Variants in AGAP1 observed in about 807,000 individuals in gnomAD.
AGAP1 encodes the protein ArfGAP with GTPase domain, ankyrin repeat and PH domain 1, also known as arf-GAP with GTPase, ANK repeat and PH domain-containing protein 1.
Under a neutral mutation model 105.3 loss-of-function variants are expected in AGAP1, and 29 were observed. The ratio of observed to expected loss-of-function variants is 0.28; its 90% confidence interval spans 0.21 to 0.38. AGAP1 has a LOEUF of 0.38. AGAP1 is among the 10% of genes least tolerant of loss of function. The pLI is 1.00. For synonymous variants in AGAP1, 509 were observed against 485.9 expected, an observed-to-expected ratio of 1.05 and a Z score of -0.63; for missense variants, 998 against 1,165.1, an observed-to-expected ratio of 0.86 and a Z score of 2.09.
At chr2:235,735,164 C>T (rs1317060568) in intron 3 of AGAP1, among the ~76,000 whole-genome samples, 3 of 152,288 alleles carry the variant, frequency 2.0e-5, no homozygotes, top group East Asian at 1.9e-4. Flanking sequence ...TAGACGATGG[C>T]GTTGGAAGGC....
rs926175430 is a variant in AGAP1 at position 235,855,983 on chromosome 2, G to A, written c.1051-27362G>A. On this transcript the variant is annotated intron_variant, in intron 9 of 17. Transcript: ENST00000304032. This position sits in a 1 kb window ranked among gnomAD's most constrained non-coding sequence, Gnocchi z 5.0. ...GGCTGGAGTGCAATGGCATGATCTC[G>A]GCTCACTGCAACTTCTGCCTCCTGG... Among the ~76,000 whole-genome samples, 2 of 151,906 alleles carry A rather than the reference G, an allele frequency of 1.3e-5. No individual in the cohort carries two copies. The highest frequency in any genetic ancestry group is 2.4e-5 in the African/African-American group (1 of 41,336).
At chr2:235,542,432 G>A (rs977808153) in intron 1 of AGAP1, among the ~76,000 whole-genome samples, 1 of 152,144 alleles carries the variant, frequency 6.6e-6, no homozygotes, top group Admixed American at 6.5e-5. Context: ...CATCTCTACC[G>A]GATCAAAAGA....
rs562548507 is a variant in AGAP1 at position 235,799,360 on chromosome 2, A to G, written c.802-7A>G. The G allele has an allele frequency of 1.2e-6, 2 of 1,613,154 alleles. No individual in the cohort carries two copies. Among genetic ancestry groups the G allele is most frequent in the Non-Finnish European group, 1.7e-6 (2 of 1,179,522 alleles). The stretch of plus-strand genomic sequence containing the variant: ...GTTAATGAAACCTTGGATTTTAATC[A>G]TTTCAGACAAGTAATGGAGGTGGGA... On this transcript the variant is annotated splice_polypyrimidine_tract_variant and splice_region_variant and intron_variant, in intron 7 of 17. Coordinates refer to ENST00000304032, the MANE Select transcript of AGAP1 (RefSeq NM_001037131.3). This position sits in a 1 kb window ranked among gnomAD's most constrained non-coding sequence, Gnocchi z 5.0.
Position 236,035,903 on chromosome 2 carries a change from CTT to C in AGAP1, c.1646-657_1646-656del, listed in dbSNP as rs1444844949. Among the ~76,000 whole-genome samples, 4 of 152,042 alleles carry C rather than the reference CTT, an allele frequency of 2.6e-5. No homozygotes were observed. The highest frequency in any genetic ancestry group is 1.9e-4 in the East Asian group (1 of 5,168). On this transcript the variant is annotated intron_variant, in intron 13 of 17. Coordinates refer to ENST00000304032, the MANE Select transcript of AGAP1 (RefSeq NM_001037131.3). The surrounding 1 kb of genome is among the most constrained non-coding windows in gnomAD (Gnocchi z 4.2). ...GGGAGTCCAGGAACTTGCCCAAAGA[CTT>C]AGATGTGGCAGGTGGGGTCGCAGGG...
At chr2:236,069,531 C>G (rs1007546853) in intron 16 of AGAP1, among the ~76,000 whole-genome samples, 1 of 152,176 alleles carries the variant, frequency 6.6e-6, no homozygotes, top group African/African-American at 2.4e-5. Flanking sequence ...TCAAGTGATT[C>G]TCCTGCCTCA....
intron 9 of AGAP1, among the ~76,000 whole-genome samples, chr2:235,840,246 G>A (rs1182325329): frequency 6.7e-6 from 1 of 149,260 alleles, no homozygotes; most frequent in African/African-American, 2.4e-5. Flanking sequence ...GCATTCTGAT[G>A]GCTTCAGCCG....
intron 13 of AGAP1, among the ~76,000 whole-genome samples, chr2:236,008,031 AAGTG>A: frequency 6.6e-6 from 1 of 152,336 alleles, no homozygotes; most frequent in South Asian, 2.1e-4. Context: ...ATTTTTTTCT[AAGTG>A]AGAATTTGGT....
At chr2:235,524,989 C>T (rs1421357176) in intron 1 of AGAP1, among the ~76,000 whole-genome samples, 1 of 152,172 alleles carries the variant, frequency 6.6e-6, no homozygotes, top group African/African-American at 2.4e-5. Flanking sequence ...TCATGTGTTC[C>T]TCCTTAGTCT....
chr2:235,651,707 C>T (rs1331012479), intron 1 of AGAP1, among the ~76,000 whole-genome samples: 3 of 152,088 alleles, frequency 2.0e-5, no homozygotes, highest in Admixed American at 2.0e-4. Flanking sequence ...GGAAGGGAAA[C>T]CTTTTTATAA....
chr2:236,085,884 C>G (rs2058916420), intron 16 of AGAP1, among the ~76,000 whole-genome samples: 1 of 152,258 alleles, frequency 6.6e-6, no homozygotes, highest in Non-Finnish European at 1.5e-5. Flanking sequence ...GGCTGTCCAT[C>G]AGTGATAGCA....
At chr2:235,972,704 TCA>T (rs1190783804) in intron 13 of AGAP1, among the ~76,000 whole-genome samples, 4 of 152,092 alleles carry the variant, frequency 2.6e-5, no homozygotes, top group Non-Finnish European at 5.9e-5. Flanking sequence ...ACGATGCCAG[TCA>T]CACAGTTGGC....
At position 235,792,792 on chromosome 2, in the gene AGAP1, A is replaced by G. The variant is rs1430437781; in HGVS notation, c.674-4967A>G. On this transcript the variant is annotated intron_variant, in intron 6 of 17. Transcript: ENST00000304032. The surrounding 1 kb of genome is among the most constrained non-coding windows in gnomAD (Gnocchi z 5.3). The stretch of plus-strand genomic sequence containing the variant: ...ACTTGAAGGCGCCTCTAGCAGATCC[A>G]AGGGGAGATGCCGAGTTGGTCATTG... 6.6e-6 allele frequency among the ~76,000 whole-genome samples: 1 copy of G among 152,184 alleles called. No homozygotes were observed. Among genetic ancestry groups the G allele is most frequent in the East Asian group, 1.9e-4 (1 of 5,176 alleles).
Position 235,960,203 on chromosome 2 carries a change from A to G in AGAP1, c.1484-8259A>G, listed in dbSNP as rs1234045027. Among the ~76,000 whole-genome samples, 1 of 152,214 alleles carries G rather than the reference A, an allele frequency of 6.6e-6. No individual in the cohort carries two copies. The highest frequency in any genetic ancestry group is 6.5e-5 in the Admixed American group (1 of 15,292). On this transcript the variant is annotated intron_variant, in intron 12 of 17. Coordinates refer to ENST00000304032, the MANE Select transcript of AGAP1 (RefSeq NM_001037131.3). The surrounding 1 kb of genome is among the most constrained non-coding windows in gnomAD (Gnocchi z 4.9). ...GGGCTGGTGCTGCTTCCAGGATCACAGGTGCTTTGCACACGTCAGTTACTC... is the reference window on the plus strand; with the variant it reads ...GGGCTGGTGCTGCTTCCAGGATCACGGGTGCTTTGCACACGTCAGTTACTC...
chr2:235,605,676 A>G (rs1286366375), intron 1 of AGAP1, among the ~76,000 whole-genome samples: 2 of 152,376 alleles, frequency 1.3e-5, no homozygotes, highest in African/African-American at 4.8e-5. Flanking sequence ...CTCATTCTCC[A>G]TCAGAAACAG....
At chr2:235,831,240 G>A (rs1559539062) in intron 9 of AGAP1, among the ~76,000 whole-genome samples, 1 of 149,406 alleles carries the variant, frequency 6.7e-6, no homozygotes. Flanking sequence ...TTAGGTCACG[G>A]CAAAGTTGAG....
intron 1 of AGAP1, among the ~76,000 whole-genome samples, chr2:235,544,349 C>T (rs927276310): frequency 6.6e-6 from 1 of 152,160 alleles, no homozygotes; most frequent in Non-Finnish European, 1.5e-5. Context: ...CCGTTGCTTA[C>T]GAGGTTCTGA....
rs1030799717 is a variant in AGAP1, at chr2:235,666,428, C to T, written c.164-42751C>T. 3.9e-5 allele frequency among the ~76,000 whole-genome samples: 6 copies of T among 151,960 alleles called. No homozygotes were observed. The South Asian group carries it at 8.3e-4, about 21-fold the overall frequency. On this transcript the variant is annotated intron_variant, in intron 1 of 17. Coordinates refer to ENST00000304032, the MANE Select transcript of AGAP1 (RefSeq NM_001037131.3). ...TCGGGAGCATGTGTCTTCTTTGCAT[C>T]GGGAGAGCCCATCTCTCTAAGGCAG...
chr2:235,910,398 T>C (rs2051545942), intron 11 of AGAP1, among the ~76,000 whole-genome samples: 1 of 126,584 alleles, frequency 7.9e-6, no homozygotes, highest in Admixed American at 8.5e-5. Context: ...AAGGAGTCTT[T>C]AGTGCCTCCC....
At chr2:235,773,413 C>T (rs925828635) in intron 6 of AGAP1, among the ~76,000 whole-genome samples, 2 of 152,212 alleles carry the variant, frequency 1.3e-5, no homozygotes, top group Non-Finnish European at 2.9e-5. Flanking sequence ...CAAAGTTACA[C>T]TCCTATGCAA....
Sources: gnomAD v4.1 joint callset for allele counts (sites outside exome capture counted in the v4.1 genomes callset) on GRCh38, gnomAD v4.1.1 for gene constraint, Gnocchi (gnomAD v3.1) non-coding constraint, MANE v1.5 for transcripts, NCBI Gene and HGNC (gene_info 2026-07-23, HGNC 2026-07-21) for gene names.